The following SLC48A1 variants were observed in gnomAD, a reference collection of about 807,000 sequenced individuals.
The protein encoded by SLC48A1 is solute carrier family 48 member 1, also known as heme transporter HRG1.
SLC48A1 carries 6 observed loss-of-function variants against 14.8 expected under a neutral mutation model. That is an observed-to-expected ratio of 0.41 (90% CI 0.22 to 0.80). SLC48A1 has a LOEUF of 0.80. SLC48A1 is among the 30% of genes least tolerant of loss of function. The pLI is 0.34. For missense variants in SLC48A1, 165 were observed against 204.8 expected (o/e 0.81, Z 1.19); for synonymous variants, 89 against 90.0 (o/e 0.99, Z 0.06).
chr12:47,758,566 C>T (rs1441310735), upstream of SLC48A1: 4 of 1,613,826 alleles, frequency 2.5e-6, no homozygotes, highest in Non-Finnish European at 3.4e-6. Flanking sequence ...TGTTTCTTTT[C>T]AAGCTCGCAC....
chr12:47,757,095 AC>A (rs1942116540), upstream of SLC48A1, among the ~76,000 whole-genome samples: 1 of 152,210 alleles, frequency 6.6e-6, no homozygotes, highest in Non-Finnish European at 1.5e-5. Flanking sequence ...GGAGTTCAAG[AC>A]CTACCTAGGC....
At chr12:47,773,094 T>C, upstream of SLC48A1, 1 of 680,850 alleles carries the variant, frequency 1.5e-6, no homozygotes, top group Non-Finnish European at 1.8e-6. Flanking sequence ...ACACGGCAGC[T>C]TCGCAAAGCG....
intron 1 of SLC48A1, among the ~76,000 whole-genome samples, chr12:47,775,248 C>T (rs1942721019): frequency 1.3e-5 from 2 of 152,206 alleles, no homozygotes; most frequent in South Asian, 4.1e-4. Context: ...TTCTTATACT[C>T]TAGGGAGTTG....
intron 1 of SLC48A1, 110 bp from the exon 2 acceptor site, chr12:47,778,918 T>TCA: frequency 7.9e-7 from 1 of 1,258,926 alleles, no homozygotes; most frequent in Admixed American, 3.1e-5. Flanking sequence ...TATGAGGGAA[T>TCA]GAGAGACAAG....
At chr12:47,765,384 C>T (rs1054620596) in intron 2 of SLC48A1, among the ~76,000 whole-genome samples, 6 of 152,236 alleles carry the variant, frequency 3.9e-5, no homozygotes, top group Non-Finnish European at 8.8e-5. Context: ...TGCCTTCCCA[C>T]CCCTCAGCCT....
upstream of SLC48A1, among the ~76,000 whole-genome samples, chr12:47,768,017 G>A (rs896545281): frequency 6.6e-6 from 1 of 151,716 alleles, no homozygotes; most frequent in Non-Finnish European, 1.5e-5. Flanking sequence ...TCACTCTGTT[G>A]CCCAGGCTGG....
chr12:47,757,919 A>C, upstream of SLC48A1: 1 of 1,557,246 alleles, frequency 6.4e-7, no homozygotes, highest in Non-Finnish European at 8.7e-7. Context: ...AGCAGCTGGT[A>C]GGAGCAGCTT....
rs1171548406 is a variant in SLC48A1, at chr12:47,777,829, T to A, written c.137-1199T>A. Among the ~76,000 whole-genome samples, 2 of 152,088 alleles carry A rather than the reference T, an allele frequency of 1.3e-5. No homozygotes were observed. Among genetic ancestry groups the A allele is most frequent in the African/African-American group, 4.8e-5 (2 of 41,412 alleles). Reference sequence around the variant, plus strand: ...TAGATTCCCATAGATTCAAAGCACTTCCCCACCCCCACCGCCCCATCAACT... The same window carrying A: ...TAGATTCCCATAGATTCAAAGCACTACCCCACCCCCACCGCCCCATCAACT... On this transcript the variant is annotated intron_variant, in intron 1 of 2. Transcript: ENST00000442218. The surrounding 1 kb of genome is among the most constrained non-coding windows in gnomAD (Gnocchi z 4.5).
In SLC48A1 at chr12:47,779,453, T is replaced by G. The variant is rs1464359555; in HGVS notation, c.304+258T>G. 5.3e-5 allele frequency among the ~76,000 whole-genome samples: 8 copies of G among 152,174 alleles called. No homozygotes were observed. The East Asian group carries it at 1.5e-3, about 29-fold the overall frequency. On this transcript the variant is annotated intron_variant, in intron 2 of 2. Transcript: ENST00000442218. ...CACTCCTGATATTGGGACCCATTAG[T>G]CTGTGCTCAGCTCTGGGATGGGAGC... is the stretch of plus-strand genomic sequence containing the variant.
upstream of SLC48A1, chr12:47,758,257 G>A: frequency 7.0e-7 from 1 of 1,433,024 alleles, no homozygotes; most frequent in Admixed American, 2.8e-5. Context: ...GGGCCTGCCG[G>A]TCTGGCGCAC....
chr12:47,758,595 A>G (rs1056206366), exon 1 of SLC48A1: 2 of 1,612,922 alleles, frequency 1.2e-6, no homozygotes, highest in African/African-American at 2.7e-5. Flanking sequence ...AGGCTCTAGC[A>G]AAAGGCTGGG....
At chr12:47,758,832 C>T in intron 1 of SLC48A1, 6 of 1,214,158 alleles carry the variant, frequency 4.9e-6, no homozygotes, top group Non-Finnish European at 6.2e-6. Flanking sequence ...GCGCCTTCGT[C>T]TCAGACGAAG....
chr12:47,779,231 G>A, intron 2 of SLC48A1, 36 bp downstream of exon 2: 1 of 1,529,190 alleles, frequency 6.5e-7, no homozygotes, highest in Non-Finnish European at 8.8e-7. Flanking sequence ...GGCATGGGAG[G>A]GACAGCAGCG....
chr12:47,759,271 G>T, intron 1 of SLC48A1: 1 of 247,972 alleles, frequency 4.0e-6, no homozygotes, highest in Non-Finnish European at 6.4e-6. Context: ...GGCTGGGGCC[G>T]CTTCCCGGCT....
Position 47,773,309 on chromosome 12 carries a change from C to T in SLC48A1, c.5C>T (p.Ala2Val). ...CCCGCCCGGCGCCGCAGCCCCATGGCCCCGTCCAGGCTGCAGCTCGGCCTC... is the reference window on the plus strand; with the variant it reads ...CCCGCCCGGCGCCGCAGCCCCATGGTCCCGTCCAGGCTGCAGCTCGGCCTC... M[A>V]PSRLQLGLRA... The change falls in exon 1 of 3, where the codon GCC (alanine) becomes GTC (valine). Residue 2 changes from alanine to valine, a missense_variant. Coordinates refer to ENST00000442218, the MANE Select transcript of SLC48A1 (RefSeq NM_017842.3). 6.8e-7 allele frequency: 1 copy of T among 1,459,950 alleles called. No individual in the cohort carries two copies. Among genetic ancestry groups the T allele is most frequent in the Non-Finnish European group, 9.0e-7 (1 of 1,105,004 alleles). 90.4% of individuals were successfully genotyped at this position (1,459,950 alleles called of 1,614,324 possible).
At position 47,781,167 on chromosome 12, in the gene SLC48A1, TCACA is replaced by T. The variant is rs900491093; in HGVS notation, c.*893_*896del. 3.2e-6 allele frequency: 1 copy of T among 316,484 alleles called. No individual in the cohort carries two copies. Among genetic ancestry groups the T allele is most frequent in the Admixed American group, 4.6e-5 (1 of 21,544 alleles). 19.6% of individuals were successfully genotyped at this position (316,484 alleles called of 1,614,324 possible). On this transcript the variant is annotated 3_prime_UTR_variant, in exon 3 of 3. Coordinates refer to ENST00000442218, the MANE Select transcript of SLC48A1 (RefSeq NM_017842.3). ...AGCCGTGGCCCCCCACCCATCTCAC[TCACA>T]CACACAGGCATCCATACACCCCAGA...
chr12:47,780,398 C>G lies in SLC48A1; in HGVS notation c.*117C>G. The G allele has an allele frequency of 1.3e-6, 2 of 1,481,672 alleles. No individual in the cohort carries two copies. Among genetic ancestry groups the G allele is most frequent in the Non-Finnish European group, 9.4e-7 (1 of 1,059,962 alleles). The allele number at this position is 1,481,672 out of a possible 1,614,324, so 91.8% of individuals were successfully genotyped here. On this transcript the variant is annotated 3_prime_UTR_variant, in exon 3 of 3. Coordinates refer to ENST00000442218, the MANE Select transcript of SLC48A1 (RefSeq NM_017842.3). Reference sequence around the variant, plus strand: ...GACCCCAGAACTGTGGCAGAAAATACACAGCAGGACGAGTGTGGTCTCCCA... The same window carrying G: ...GACCCCAGAACTGTGGCAGAAAATAGACAGCAGGACGAGTGTGGTCTCCCA...
chr12:47,778,089 C>G (rs1428285115), intron 1 of SLC48A1, among the ~76,000 whole-genome samples: 1 of 152,246 alleles, frequency 6.6e-6, no homozygotes, highest in Admixed American at 6.5e-5. Context: ...GATCCACCGC[C>G]CTGCCCGGAC....
chr12:47,767,982 ATT>A (rs879757532), upstream of SLC48A1, among the ~76,000 whole-genome samples: 1 of 150,612 alleles, frequency 6.6e-6, no homozygotes, highest in South Asian at 2.1e-4. Flanking sequence ...ATTTATTTAA[ATT>A]TTTTTTTTCT....
Sources: gnomAD v4.1 joint callset for allele counts (sites outside exome capture counted in the v4.1 genomes callset) on GRCh38, gnomAD v4.1.1 for gene constraint, Gnocchi (gnomAD v3.1) non-coding constraint, MANE v1.5 for transcripts, NCBI Gene and HGNC (gene_info 2026-07-23, HGNC 2026-07-21) for gene names.